The following OSBPL8 variants were observed in gnomAD, a reference collection of about 807,000 sequenced individuals.
The protein encoded by OSBPL8 is oxysterol binding protein like 8, also known as oxysterol-binding protein-related protein 8.
A neutral mutation model predicts 125.5 loss-of-function variants in OSBPL8; 59 were observed. The ratio of observed to expected loss-of-function variants is 0.47; its 90% CI spans 0.38 to 0.58. The LOEUF (loss-of-function observed/expected upper bound fraction) is 0.58, where lower values mean the gene tolerates loss of function less well. Among genes scored for constraint, OSBPL8 ranks in the 20% least tolerant of loss-of-function variants. The probability of loss-of-function intolerance (pLI) is 0.00; values close to 1 mark genes in which losing one functional copy is unlikely to be tolerated. For synonymous variants in OSBPL8, 330 were observed against 338.9 expected (o/e 0.97, Z 0.29); for missense variants, 758 against 1,047.8 (o/e 0.72, Z 3.82).
rs1592558387 is a variant in OSBPL8, at chr12:76,378,563, G to A, written c.1631-13C>T. The A allele has an allele frequency of 1.3e-6, 2 of 1,540,510 alleles. No individual in the cohort carries two copies. The highest frequency in any genetic ancestry group is 2.3e-5 in the East Asian group (1 of 44,356). The stretch of plus-strand genomic sequence containing the variant: ...GATAATGAGTTTCCTGAAATAAAAT[G>A]TTGTTTATTAAATTTCACAAAACTT... On this transcript the variant is annotated splice_polypyrimidine_tract_variant and intron_variant, in intron 15 of 23. Coordinates refer to ENST00000261183, the MANE Select transcript of OSBPL8 (RefSeq NM_020841.5).
chr12:76,439,593 T>C (rs1400738692), intron 4 of OSBPL8, among the ~76,000 whole-genome samples: 1 of 150,276 alleles, frequency 6.7e-6, no homozygotes, highest in South Asian at 2.1e-4. Flanking sequence ...TTTTTTTCCC[T>C]AAAGGCTTGG....
intron 4 of OSBPL8, among the ~76,000 whole-genome samples, chr12:76,438,229 G>A (rs189094407): frequency 0.026 from 3,934 of 151,212 alleles, 49 homozygotes; most frequent in Admixed American, 0.039. Flanking sequence ...CTCATGATCC[G>A]CCCGCCTCGG....
chr12:76,437,445 T>C (rs1871601498), intron 4 of OSBPL8, among the ~76,000 whole-genome samples: 1 of 152,250 alleles, frequency 6.6e-6, no homozygotes, highest in Non-Finnish European at 1.5e-5. Context: ...TGTTACCTCT[T>C]CTGTTAGGTA....
chr12:76,545,605 A>G (rs908978376), intron 1 of OSBPL8, among the ~76,000 whole-genome samples: 12 of 152,226 alleles, frequency 7.9e-5, no homozygotes, highest in African/African-American at 2.7e-4. Flanking sequence ...AAGAATGGCT[A>G]TCTTGGGCAT....
intron 4 of OSBPL8, among the ~76,000 whole-genome samples, chr12:76,438,983 A>C (rs1166712058): frequency 6.6e-6 from 1 of 152,022 alleles, no homozygotes; most frequent in Non-Finnish European, 1.5e-5. Flanking sequence ...TTCTTTTTTC[A>C]TTTTATCAGT....
intron 1 of OSBPL8, among the ~76,000 whole-genome samples, chr12:76,547,471 A>C (rs1455112071): frequency 6.6e-6 from 1 of 152,178 alleles, no homozygotes; most frequent in Non-Finnish European, 1.5e-5. Flanking sequence ...AATTTTTATG[A>C]GTAGAAAATG....
At chr12:76,500,724 CT>C (rs1016756294) in intron 1 of OSBPL8, among the ~76,000 whole-genome samples, 1 of 151,602 alleles carries the variant, frequency 6.6e-6, no homozygotes, top group Admixed American at 6.6e-5. Flanking sequence ...CTTCTTTTTT[CT>C]TTTTTTTCTT....
chr12:76,362,787 C>T (rs949023751), intron 21 of OSBPL8, among the ~76,000 whole-genome samples: 4 of 152,180 alleles, frequency 2.6e-5, no homozygotes, highest in Non-Finnish European at 4.4e-5. Context: ...AAAACCCCAT[C>T]GTCTCAGCCC....
intron 1 of OSBPL8, among the ~76,000 whole-genome samples, chr12:76,511,592 T>G (rs1409698080): frequency 6.6e-6 from 1 of 152,132 alleles, no homozygotes; most frequent in Non-Finnish European, 1.5e-5. Flanking sequence ...TCTTGTAAAT[T>G]TATTTAAGTT....
chr12:76,403,254 C>T (rs1034490868), intron 5 of OSBPL8, among the ~76,000 whole-genome samples: 2 of 152,170 alleles, frequency 1.3e-5, no homozygotes, highest in Admixed American at 6.5e-5. Context: ...ATTCGTACAG[C>T]GTGTAAACAC....
rs538342339 is a variant in OSBPL8 at position 76,455,222 on chromosome 12, G to A, written c.80-4234C>T. Among the ~76,000 whole-genome samples, 25 of 151,240 alleles carry A rather than the reference G, an allele frequency of 1.7e-4. 1 individual carries two copies. The East Asian group carries it at 4.5e-3, about 27-fold the overall frequency. Reference sequence around the variant, plus strand: ...TGCACCACTGCACTCCAGTCTGGGCGACAGAGCGAGACTCTATCTAAAAAA... The same window carrying A: ...TGCACCACTGCACTCCAGTCTGGGCAACAGAGCGAGACTCTATCTAAAAAA... On this transcript the variant is annotated intron_variant, in intron 3 of 23. Transcript: ENST00000261183.
Position 76,488,000 on chromosome 12 carries a change from G to T in OSBPL8, c.-67-382C>A, listed in dbSNP as rs79215425. 6.5e-3 allele frequency among the ~76,000 whole-genome samples: 995 copies of T among 152,246 alleles called. 6 individuals are homozygous for T. Among genetic ancestry groups the T allele is most frequent in the Middle Eastern group, 0.037 (11 of 294 alleles). ...GAAACAGATATTCTCATGTACTTTTGTTATGAGAATATAAATCAGGACAAT... is the reference window on the plus strand; with the variant it reads ...GAAACAGATATTCTCATGTACTTTTTTTATGAGAATATAAATCAGGACAAT... On this transcript the variant is annotated intron_variant, in intron 1 of 23. Transcript: ENST00000261183.
rs746120823 is a variant in OSBPL8 at position 76,399,903 on chromosome 12, A to G, written c.438T>C (p.Pro146=). The change falls in exon 7 of 24, where the codon CCT becomes CCC. Residue 146 remains proline (P), a synonymous_variant. Coordinates refer to ENST00000261183, the MANE Select transcript of OSBPL8 (RefSeq NM_020841.5). ...TKELLSTITD[P]SVIVMADWLK... ...ACCAATCAGCCATAACAATAACAGA[A>G]GGATCTGTGATTGTACTGAGCAGCT... 2.5e-6 allele frequency: 4 copies of G among 1,603,090 alleles called. No individual in the cohort carries two copies. The African/African-American group carries it at 4.1e-5, about 16-fold the overall frequency.
chr12:76,462,650 A>G (rs1469716369), intron 2 of OSBPL8, among the ~76,000 whole-genome samples: 1 of 152,206 alleles, frequency 6.6e-6, no homozygotes, highest in African/African-American at 2.4e-5. Flanking sequence ...GGTATAATAT[A>G]TAGCATAAAA....
intron 4 of OSBPL8, among the ~76,000 whole-genome samples, chr12:76,443,114 T>C (rs1028951680): frequency 6.6e-6 from 1 of 152,060 alleles, no homozygotes; most frequent in Non-Finnish European, 1.5e-5. Flanking sequence ...TTAATTTTGA[T>C]AAAACTGATT....
intron 4 of OSBPL8, among the ~76,000 whole-genome samples, chr12:76,424,307 AATTTCTTGTATGTG>A (rs1317034382): frequency 4.6e-5 from 7 of 152,178 alleles, no homozygotes; most frequent in Non-Finnish European, 1.0e-4. Flanking sequence ...GGCAAAACTC[AATTTCTTGTATGTG>A]ACATATTCTT....
At chr12:76,454,215 A>G (rs1873746973) in intron 3 of OSBPL8, among the ~76,000 whole-genome samples, 1 of 152,212 alleles carries the variant, frequency 6.6e-6, no homozygotes, top group South Asian at 2.1e-4. Flanking sequence ...ATACCAAGAG[A>G]CAAGAATAAG....
chr12:76,357,131 C>T (rs1449419572), intron 22 of OSBPL8, among the ~76,000 whole-genome samples: 1 of 152,132 alleles, frequency 6.6e-6, no homozygotes, highest in Non-Finnish European at 1.5e-5. Flanking sequence ...AAATCCCTTT[C>T]GACACCACTT....
intron 1 of OSBPL8, among the ~76,000 whole-genome samples, chr12:76,506,318 G>C (rs569164402): frequency 6.6e-6 from 1 of 152,302 alleles, no homozygotes; most frequent in African/African-American, 2.4e-5. Context: ...CAGATATCAA[G>C]GAGGCAGCTG....
Sources: gnomAD v4.1 joint callset for allele counts (sites outside exome capture counted in the v4.1 genomes callset) on GRCh38, gnomAD v4.1.1 for gene constraint, MANE v1.5 for transcripts, NCBI Gene and HGNC (gene_info 2026-07-23, HGNC 2026-07-21) for gene names.